Variants in RAB10 observed in about 807,000 individuals in gnomAD.
The protein encoded by RAB10 is RAB10, member RAS oncogene family.
A neutral mutation model predicts 25.7 loss-of-function variants in RAB10; 5 were observed. That is an observed-to-expected ratio of 0.19 (90% confidence interval 0.10 to 0.41). RAB10 has a LOEUF of 0.41. RAB10 is among the 10% of genes least tolerant of loss of function. The pLI, the probability that RAB10 is intolerant of heterozygous loss-of-function variation, is 1.00. For synonymous variants in RAB10, 89 were observed against 86.4 expected, an observed-to-expected ratio of 1.03 and a Z score of -0.16; for missense variants, 103 against 245.8, an observed-to-expected ratio of 0.42 and a Z score of 3.89.
chr2:26,081,943 A>G (rs922069226), intron 1 of RAB10, among the ~76,000 whole-genome samples: 2 of 152,166 alleles, frequency 1.3e-5, no homozygotes, highest in Non-Finnish European at 2.9e-5. Flanking sequence ...AGGAATGTTA[A>G]AGGAAGTGTT....
intron 1 of RAB10, among the ~76,000 whole-genome samples, chr2:26,043,900 A>G (rs1039153787): frequency 2.0e-5 from 3 of 152,334 alleles, no homozygotes. Context: ...TGAAAAGACA[A>G]ATACTATGTG....
intron 5 of RAB10, among the ~76,000 whole-genome samples, chr2:26,133,832 C>T (rs1228186487): frequency 1.3e-5 from 2 of 151,836 alleles, no homozygotes; most frequent in African/African-American, 4.8e-5. Context: ...CAACACCACA[C>T]CCAGCTAGTT....
chr2:26,094,441 G>A (rs764267114), intron 1 of RAB10, among the ~76,000 whole-genome samples: 1 of 151,730 alleles, frequency 6.6e-6, no homozygotes. Flanking sequence ...TAGTAGAGAT[G>A]GGGTTTCACC....
At chr2:26,082,583 A>G (rs1449440016) in intron 1 of RAB10, among the ~76,000 whole-genome samples, 4 of 152,188 alleles carry the variant, frequency 2.6e-5, no homozygotes, top group South Asian at 2.1e-4. Context: ...AATTGATAGA[A>G]TAAGTAGACA....
At chr2:26,077,958 G>A (rs753562670) in intron 1 of RAB10, among the ~76,000 whole-genome samples, 2 of 151,986 alleles carry the variant, frequency 1.3e-5, no homozygotes, top group Non-Finnish European at 1.5e-5. Context: ...CAGCCTGGGC[G>A]ACAGAACGAG....
At chr2:26,070,772 A>G (rs1401264388) in intron 1 of RAB10, among the ~76,000 whole-genome samples, 1 of 152,212 alleles carries the variant, frequency 6.6e-6, no homozygotes, top group African/African-American at 2.4e-5. Context: ...AAATGAATAC[A>G]TAATAGAAGC....
intron 3 of RAB10, among the ~76,000 whole-genome samples, chr2:26,125,801 T>C (rs1274366403): frequency 6.6e-6 from 1 of 152,150 alleles, no homozygotes; most frequent in African/African-American, 2.4e-5. Context: ...TTTACAAATA[T>C]TTCCTCCTTT....
At position 26,066,251 on chromosome 2, in the gene RAB10, T is replaced by C. The variant is rs184755222; in HGVS notation, c.127+31516T>C. Among the ~76,000 whole-genome samples the C allele has an allele frequency of 1.9e-4, 29 of 152,238 alleles. 1 individual carries two copies. In the South Asian group the frequency reaches 4.4e-3, roughly 23 times the overall value. ...ACATGAACAATTACCGATTTTTTTTTCCAGTGGACAAGAAAACTTGGAATT... is the reference window on the plus strand; with the variant it reads ...ACATGAACAATTACCGATTTTTTTTCCCAGTGGACAAGAAAACTTGGAATT... On this transcript the variant is annotated intron_variant, in intron 1 of 5. Transcript: ENST00000264710.
intron 3 of RAB10, among the ~76,000 whole-genome samples, chr2:26,121,211 A>G (rs1256851701): frequency 6.6e-6 from 1 of 152,148 alleles, no homozygotes; most frequent in Non-Finnish European, 1.5e-5. Flanking sequence ...CACATGCGGT[A>G]TAATTTTTCT....
chr2:26,066,162 A>G (rs989060810), intron 1 of RAB10, among the ~76,000 whole-genome samples: 4 of 152,234 alleles, frequency 2.6e-5, no homozygotes, highest in Non-Finnish European at 5.9e-5. Context: ...TTTCTATGGA[A>G]GAGGTCTCAT....
intron 3 of RAB10, among the ~76,000 whole-genome samples, chr2:26,117,430 G>T (rs141228429): frequency 0.028 from 4,325 of 151,946 alleles, 200 homozygotes; most frequent in African/African-American, 0.1. Flanking sequence ...TGGCTAACAC[G>T]GTGAAACCCC....
intron 1 of RAB10, among the ~76,000 whole-genome samples, chr2:26,074,072 G>A (rs1334282503): frequency 6.6e-6 from 1 of 152,182 alleles, no homozygotes; most frequent in African/African-American, 2.4e-5. Context: ...TTGACATGAT[G>A]AAAGGCATCT....
chr2:26,117,799 A>G (rs1262384069), intron 3 of RAB10, among the ~76,000 whole-genome samples: 1 of 152,130 alleles, frequency 6.6e-6, no homozygotes, highest in Non-Finnish European at 1.5e-5. Flanking sequence ...AGTGCAGTGG[A>G]TTCCAATTTA....
In RAB10 at chr2:26,135,738, A is replaced by T. The variant is rs143709141; in HGVS notation, c.*717A>T. 2.6e-5 allele frequency: 4 copies of T among 152,740 alleles called. No individual in the cohort carries two copies. The highest frequency in any genetic ancestry group is 1.3e-4 in the Admixed American group (2 of 15,290). The allele number at this position is 152,740 out of a possible 1,614,324, so 9.5% of individuals were successfully genotyped here. A position where few individuals can be genotyped will look rare whatever the true frequency, so the allele number is the denominator to read the frequency against. On this transcript the variant is annotated 3_prime_UTR_variant, in exon 6 of 6. Coordinates refer to ENST00000264710, the MANE Select transcript of RAB10 (RefSeq NM_016131.5). The stretch of plus-strand genomic sequence containing the variant: ...TGTTTTAAGTGGCCTTGATATTTAA[A>T]ACTATTCCTGCCACCATTTCTTCTC...
chr2:26,096,817 T>G (rs1480058282), intron 1 of RAB10, among the ~76,000 whole-genome samples: 1 of 152,234 alleles, frequency 6.6e-6, no homozygotes. Context: ...TTTCAGAAAT[T>G]TTCTAATTTT....
chr2:26,044,008 T>G (rs1550382), intron 1 of RAB10, among the ~76,000 whole-genome samples: 116,816 of 152,032 alleles, frequency 0.77, 44,934 homozygotes, highest in East Asian at 0.87. Flanking sequence ...AATAGGAAGG[T>G]GTTTAATGAG....
At chr2:26,064,436 C>A (rs1181783591) in intron 1 of RAB10, among the ~76,000 whole-genome samples, 1 of 152,014 alleles carries the variant, frequency 6.6e-6, no homozygotes, top group African/African-American at 2.4e-5. Flanking sequence ...ATCCTCCCAC[C>A]TCAGCCTCCT....
intron 1 of RAB10, among the ~76,000 whole-genome samples, chr2:26,097,759 G>A (rs1667254869): frequency 6.6e-6 from 1 of 151,970 alleles, no homozygotes; most frequent in South Asian, 2.1e-4. Context: ...TATCATTATT[G>A]ATTTTTCTGT....
chr2:26,070,155 C>T (rs555457894), intron 1 of RAB10, among the ~76,000 whole-genome samples: 164 of 152,344 alleles, frequency 1.1e-3, no homozygotes, highest in Middle Eastern at 3.4e-3. Flanking sequence ...TGAAATTATG[C>T]GTCCTTGGCT....
Sources: gnomAD v4.1 joint callset for allele counts (sites outside exome capture counted in the v4.1 genomes callset) on GRCh38, gnomAD v4.1.1 for gene constraint, MANE v1.5 for transcripts, NCBI Gene and HGNC (gene_info 2026-07-23, HGNC 2026-07-21) for gene names.